The following CDKN2C variants were observed in gnomAD, a reference collection of about 807,000 sequenced individuals.
CDKN2C encodes cyclin dependent kinase inhibitor 2C.
Under a neutral mutation model 11.0 loss-of-function variants are expected in CDKN2C, and 5 were observed. The ratio of observed to expected loss-of-function variants is 0.45; its 90% CI spans 0.24 to 0.95. CDKN2C has a LOEUF of 0.95. CDKN2C is among the 40% of genes least tolerant of loss of function. The probability of loss-of-function intolerance (pLI) is 0.21; values close to 1 mark genes in which losing one functional copy is unlikely to be tolerated. For synonymous variants in CDKN2C, 79 were observed against 88.3 expected, an observed-to-expected ratio of 0.89 and a Z score of 0.59; for missense variants, 161 against 211.9, an observed-to-expected ratio of 0.76 and a Z score of 1.49.
chr1:50,968,716 C>T (rs1645362362), upstream of CDKN2C: 1 of 152,212 alleles, frequency 6.6e-6, no homozygotes, highest in Admixed American at 6.5e-5. Flanking sequence ...CTCCTTAAAA[C>T]TCTGCCGTTA....
At chr1:50,966,450 T>C (rs1242086082), upstream of CDKN2C, among the ~76,000 whole-genome samples, 2 of 152,244 alleles carry the variant, frequency 1.3e-5, no homozygotes, top group Non-Finnish European at 2.9e-5. Context: ...TTTGATGTAC[T>C]TATCATTTTG....
chr1:50,970,085 C>G (rs1645371392), upstream of CDKN2C: 3 of 504,876 alleles, frequency 5.9e-6, no homozygotes, highest in Admixed American at 3.3e-5. Context: ...CTGTGTGTCT[C>G]TCTGTGGAGT....
At chr1:50,963,225 G>A (rs1645333683) in intron 1 of CDKN2C, among the ~76,000 whole-genome samples, 1 of 151,900 alleles carries the variant, frequency 6.6e-6, no homozygotes, top group African/African-American at 2.4e-5. Context: ...TTCTCTAATT[G>A]TTTTCATATA....
chr1:50,970,198 C>T, upstream of CDKN2C: 3 of 755,924 alleles, frequency 4.0e-6, no homozygotes, highest in Non-Finnish European at 6.3e-6. Flanking sequence ...GAGGGGCGGG[C>T]TTTTGGCAGG....
chr1:50,963,489 C>T (rs914137303), intron 1 of CDKN2C, among the ~76,000 whole-genome samples: 11 of 152,190 alleles, frequency 7.2e-5, no homozygotes, highest in African/African-American at 2.7e-4. Context: ...TAAGAATTTG[C>T]TCAAAGTCAT....
At chr1:50,965,282 G>A (rs1207041169), upstream of CDKN2C, among the ~76,000 whole-genome samples, 1 of 151,982 alleles carries the variant, frequency 6.6e-6, no homozygotes, top group African/African-American at 2.4e-5. Context: ...GGCAGATCAT[G>A]AGGTCAGGAG....
At chr1:50,963,617 A>T (rs1278607496) in intron 1 of CDKN2C, among the ~76,000 whole-genome samples, 1 of 152,172 alleles carries the variant, frequency 6.6e-6, no homozygotes, top group Admixed American at 6.5e-5. Context: ...ATTCCCAAAG[A>T]CACTGTTTCT....
rs755168953 is a variant in CDKN2C, at chr1:50,970,392, G to T, written c.24G>T (p.Glu8Asp). 5.6e-6 allele frequency: 9 copies of T among 1,614,168 alleles called. No individual in the cohort carries two copies. The South Asian group carries it at 9.9e-5, about 18-fold the overall frequency. The change falls in exon 1 of 2, where the codon GAG (glutamate) becomes GAT (aspartate). Residue 8 changes from glutamate (E) to aspartate (D), a missense_variant. Coordinates refer to ENST00000371761, the MANE Select transcript of CDKN2C (RefSeq NM_078626.3). Reference protein sequence around the residue: MAEPWGNELASAAARGDL... With the variant: MAEPWGNDLASAAARGDL... ...GAATGGCCGAGCCTTGGGGGAACGA[G>T]TTGGCGTCCGCAGCTGCCAGGGGGG...
At chr1:50,971,959 T>C (rs1391247165) in intron 1 of CDKN2C, among the ~76,000 whole-genome samples, 1 of 152,178 alleles carries the variant, frequency 6.6e-6, no homozygotes, top group Non-Finnish European at 1.5e-5. Flanking sequence ...ATATGTATAA[T>C]CCTGACTCTG....
At chr1:50,964,071 C>T (rs1371267983) in intron 1 of CDKN2C, among the ~76,000 whole-genome samples, 1 of 151,930 alleles carries the variant, frequency 6.6e-6, no homozygotes, top group Non-Finnish European at 1.5e-5. Flanking sequence ...TTCCTATATG[C>T]TTTTAGCCCA....
At chr1:50,962,912 T>C (rs147317168) in intron 1 of CDKN2C, among the ~76,000 whole-genome samples, 1 of 152,352 alleles carries the variant, frequency 6.6e-6, no homozygotes, top group Non-Finnish European at 1.5e-5. Context: ...TCAATAATTG[T>C]GGTTTGAGTT....
intron 1 of CDKN2C, among the ~76,000 whole-genome samples, chr1:50,962,393 A>G (rs988453628): frequency 1.1e-4 from 17 of 152,202 alleles, no homozygotes; most frequent in South Asian, 2.1e-4. Context: ...CAAAATAAAT[A>G]AATAAATATT....
upstream of CDKN2C, among the ~76,000 whole-genome samples, chr1:50,967,278 G>T (rs922874725): frequency 6.6e-6 from 1 of 152,128 alleles, no homozygotes; most frequent in Non-Finnish European, 1.5e-5. Context: ...AATCTTAAAT[G>T]TTTCTATTTG....
chr1:50,970,389 C>G lies in CDKN2C; in HGVS notation c.21C>G (p.Asn7Lys), dbSNP rs753915692. The change falls in exon 1 of 2, where the codon AAC becomes AAG. Residue 7 changes from asparagine to lysine, a missense_variant. Physicochemically the swap from Asn to Lys is moderately conservative, Grantham distance 94 (BLOSUM62 0). Coordinates refer to ENST00000371761, the MANE Select transcript of CDKN2C (RefSeq NM_078626.3). MAEPWG[N>K]ELASAAARGD... Reference sequence around the variant, plus strand: ...AAAGAATGGCCGAGCCTTGGGGGAACGAGTTGGCGTCCGCAGCTGCCAGGG... The same window carrying G: ...AAAGAATGGCCGAGCCTTGGGGGAAGGAGTTGGCGTCCGCAGCTGCCAGGG... 1.2e-6 allele frequency: 2 copies of G among 1,614,128 alleles called. No homozygotes were observed. Among genetic ancestry groups the G allele is most frequent in the Admixed American group, 1.7e-5 (1 of 60,028 alleles).
chr1:50,960,889 G>A (rs1645315136), intron 1 of CDKN2C: 1 of 152,072 alleles, frequency 6.6e-6, no homozygotes, highest in African/African-American at 2.4e-5. Flanking sequence ...GAGTTAATAG[G>A]GTTGCTCCAA....
intron 1 of CDKN2C, among the ~76,000 whole-genome samples, chr1:50,963,905 A>C (rs1267585448): frequency 6.6e-6 from 1 of 152,088 alleles, no homozygotes; most frequent in Non-Finnish European, 1.5e-5. Flanking sequence ...AGCTCAGCCT[A>C]AGTTAAATAC....
In CDKN2C at chr1:50,974,515, C is replaced by A; in HGVS notation, c.*245C>A. On this transcript the variant is annotated 3_prime_UTR_variant, in exon 2 of 2. Coordinates refer to ENST00000371761, the MANE Select transcript of CDKN2C (RefSeq NM_078626.3). ...TTTGACTTTCTTCTGAATATTTTAT[C>A]TTTCCTTGGCTTTTCCCTTGCTTCC... 1 of 381,508 alleles carries A rather than the reference C, an allele frequency of 2.6e-6. No individual in the cohort carries two copies. Among genetic ancestry groups the A allele is most frequent in the Non-Finnish European group, 4.7e-6 (1 of 214,914 alleles). The allele number at this position is 381,508 out of a possible 1,614,324, so 23.6% of individuals were successfully genotyped here.
chr1:50,970,041 C>T, upstream of CDKN2C: 3 of 451,132 alleles, frequency 6.6e-6, no homozygotes, highest in South Asian at 4.6e-5. Context: ...CTACATCTGA[C>T]GTCCGGAGTC....
upstream of CDKN2C, among the ~76,000 whole-genome samples, chr1:50,967,052 T>A (rs1645350206): frequency 6.6e-6 from 1 of 152,226 alleles, no homozygotes; most frequent in Admixed American, 6.5e-5. Flanking sequence ...TATGTAATCA[T>A]ACAATTTAAG....
Sources: allele counts gnomAD v4.1 joint callset (sites outside exome capture counted in the v4.1 genomes callset), GRCh38; gene constraint gnomAD v4.1.1; transcripts MANE v1.5; gene names NCBI Gene and HGNC (gene_info 2026-07-23, HGNC 2026-07-21).